The following TBCE variants were observed in gnomAD, a reference collection of about 807,000 sequenced individuals.
TBCE encodes tubulin-specific chaperone E.
TBCE carries 53 observed loss-of-function variants against 77.0 expected under a neutral mutation model. The ratio of observed to expected loss-of-function variants is 0.69; its 90% CI spans 0.55 to 0.87. The LOEUF is 0.87. Ranked by LOEUF, TBCE falls within the 40% of genes least tolerant of loss-of-function variation. The pLI is 0.00. For missense variants in TBCE, 624 were observed against 622.4 expected, an observed-to-expected ratio of 1.00 and a Z score of -0.03; for synonymous variants, 235 against 241.3, an observed-to-expected ratio of 0.97 and a Z score of 0.24.
rs1027997215 is a variant in TBCE at position 235,450,443 on chromosome 1, A to C, written c.*1681A>C. On this transcript the variant is annotated 3_prime_UTR_variant, in exon 17 of 17. Transcript: ENST00000642610. Reference sequence around the variant, plus strand: ...CTTTTATGTATTCTAATGATGCTGAAATTATTTCAAGGATAACTCCGTGTG... The same window carrying C: ...CTTTTATGTATTCTAATGATGCTGACATTATTTCAAGGATAACTCCGTGTG... The C allele has an allele frequency of 3.6e-6, 5 of 1,373,466 alleles. No homozygotes were observed. The highest frequency in any genetic ancestry group is 4.0e-6 in the Non-Finnish European group (4 of 995,882). The allele number at this position is 1,373,466 out of a possible 1,614,324, so 85.1% of individuals were successfully genotyped here.
At chr1:235,383,376 G>A (rs1006263512) in intron 2 of TBCE, among the ~76,000 whole-genome samples, 7 of 152,232 alleles carry the variant, frequency 4.6e-5, no homozygotes, top group South Asian at 2.1e-4. Flanking sequence ...GCTTGATGGG[G>A]ATGGCATTGA....
At chr1:235,441,903 T>G (rs768119813) in intron 14 of TBCE, 21 bp downstream of exon 14, 1 of 1,610,578 alleles carries the variant, frequency 6.2e-7, no homozygotes, top group South Asian at 1.1e-5. Context: ...CAGATTCAAA[T>G]AGTTTATTTG....
chr1:235,407,878 G>GTT (rs34485501), intron 3 of TBCE, among the ~76,000 whole-genome samples: 25 of 149,974 alleles, frequency 1.7e-4, no homozygotes, highest in Non-Finnish European at 2.8e-4. Context: ...GTGGTTTTCA[G>GTT]TTTTTTTTTT....
At chr1:235,424,966 G>A (rs1202607733) in intron 5 of TBCE, among the ~76,000 whole-genome samples, 3 of 152,080 alleles carry the variant, frequency 2.0e-5, no homozygotes, top group African/African-American at 4.8e-5. Context: ...TTCTTCTGTC[G>A]CTGGCCACTC....
intron 2 of TBCE, among the ~76,000 whole-genome samples, chr1:235,399,883 C>A (rs1678983223): frequency 6.6e-6 from 1 of 152,046 alleles, no homozygotes; most frequent in Admixed American, 6.6e-5. Flanking sequence ...AGATGGCATC[C>A]CCTGCTTGGT....
At chr1:235,424,056 G>A (rs1182877789) in intron 5 of TBCE, among the ~76,000 whole-genome samples, 1 of 152,108 alleles carries the variant, frequency 6.6e-6, no homozygotes, top group Non-Finnish European at 1.5e-5. Context: ...CTTTCTCCAC[G>A]TTTTATGTAT....
intron 3 of TBCE, among the ~76,000 whole-genome samples, chr1:235,404,149 C>T (rs1465044230): frequency 5.3e-5 from 8 of 151,898 alleles, no homozygotes; most frequent in East Asian, 1.9e-4. Context: ...TGGTGGCGGG[C>T]GCCTGTAGTC....
chr1:235,404,705 G>A (rs1266382922), intron 3 of TBCE, among the ~76,000 whole-genome samples: 1 of 145,650 alleles, frequency 6.9e-6, no homozygotes, highest in African/African-American at 2.6e-5. Context: ...TTCTTGCTCT[G>A]TCACCCAGGC....
At chr1:235,377,656 CTT>C (rs11449267) in intron 1 of TBCE, among the ~76,000 whole-genome samples, 2 of 145,612 alleles carry the variant, frequency 1.4e-5, no homozygotes, top group Non-Finnish European at 3.0e-5. Context: ...TCTACCTATT[CTT>C]TTTTTTTTTT....
In TBCE at chr1:235,445,510, C is replaced by T. The variant is rs377496550; in HGVS notation, c.1399+2599C>T. ...AATTAGCTGGGTGTGGTGGTGCATG[C>T]CTGTAGTCCCAGCTGCTTGGGCGGC... On this transcript the variant is annotated intron_variant, in intron 15 of 16. Transcript: ENST00000642610. Among the ~76,000 whole-genome samples the T allele has an allele frequency of 3.2e-4, 49 of 152,186 alleles. 1 individual carries two copies. The highest frequency in any genetic ancestry group is 1.2e-3 in the African/African-American group (49 of 41,514).
chr1:235,428,684 GC>G (rs1449466305), intron 6 of TBCE, among the ~76,000 whole-genome samples: 1 of 144,178 alleles, frequency 6.9e-6, no homozygotes, highest in African/African-American at 2.6e-5. Flanking sequence ...TCGCCCTGTC[GC>G]CAGGCTGGAG....
At chr1:235,398,077 T>G (rs539454484) in intron 2 of TBCE, among the ~76,000 whole-genome samples, 2 of 152,290 alleles carry the variant, frequency 1.3e-5, no homozygotes, top group African/African-American at 4.8e-5. Flanking sequence ...TGTGCATTCT[T>G]CTTTGTAGCA....
chr1:235,384,452 CT>C (rs1344854625), intron 2 of TBCE, among the ~76,000 whole-genome samples: 1 of 133,910 alleles, frequency 7.5e-6, no homozygotes, highest in African/African-American at 2.9e-5. Flanking sequence ...GTCCTGGACT[CT>C]TTTTGGTTGG....
intron 3 of TBCE, among the ~76,000 whole-genome samples, chr1:235,408,098 C>T (rs544850020): frequency 1.4e-4 from 22 of 152,244 alleles, no homozygotes; most frequent in African/African-American, 5.3e-4. Flanking sequence ...CGTGCTGTTC[C>T]AGCCTGTGTC....
chr1:235,438,429 TC>T (rs1185240373), intron 12 of TBCE, among the ~76,000 whole-genome samples: 1 of 152,024 alleles, frequency 6.6e-6, no homozygotes, highest in African/African-American at 2.4e-5. Context: ...GCACCTGTAA[TC>T]CCAGCTATTC....
chr1:235,388,823 G>A (rs1200178480), intron 2 of TBCE, among the ~76,000 whole-genome samples: 1 of 152,220 alleles, frequency 6.6e-6, no homozygotes, highest in African/African-American at 2.4e-5. Flanking sequence ...GCAAGGTTGG[G>A]CAGAGGGCTA....
intron 2 of TBCE, among the ~76,000 whole-genome samples, chr1:235,381,860 A>G (rs922045208): frequency 2.0e-5 from 3 of 150,066 alleles, no homozygotes; most frequent in South Asian, 2.1e-4. Flanking sequence ...CATGTGCACA[A>G]TGTGCAGGTT....
rs913569875 is a variant in TBCE, at chr1:235,422,542, C to CG, written c.460+2988dup. Among the ~76,000 whole-genome samples the CG allele has an allele frequency of 1.8e-3, 262 of 147,968 alleles. 1 individual carries two copies. Among genetic ancestry groups the CG allele is most frequent in the Non-Finnish European group, 3.1e-3 (209 of 66,976 alleles). ...AAAAAAAAAACCAAAAAACAAAAAA[C>CG]GGGGGGGCCAGGTGTGGTGGCTCAC... is the stretch of plus-strand genomic sequence containing the variant. On this transcript the variant is annotated intron_variant, in intron 5 of 16. Transcript: ENST00000642610.
intron 5 of TBCE, among the ~76,000 whole-genome samples, chr1:235,422,549 G>A (rs948108484): frequency 6.6e-6 from 1 of 151,414 alleles, no homozygotes; most frequent in Admixed American, 6.6e-5. Context: ...AAACGGGGGG[G>A]CCAGGTGTGG....
Sources: allele counts gnomAD v4.1 joint callset (sites outside exome capture counted in the v4.1 genomes callset), GRCh38; gene constraint gnomAD v4.1.1; transcripts MANE v1.5; gene names NCBI Gene and HGNC (gene_info 2026-07-23, HGNC 2026-07-21).